The following ALG8 variants were observed in gnomAD, a reference collection of about 807,000 sequenced individuals.
ALG8 encodes ALG8 alpha-1,3-glucosyltransferase.
In ALG8, 48 loss-of-function variants were observed where a neutral mutation model predicts 70.2. The observed-to-expected ratio is 0.68, with a 90% confidence interval of 0.54 to 0.87. The LOEUF (loss-of-function observed/expected upper bound fraction) is 0.87. Ranked by LOEUF, ALG8 falls within the 40% of genes least tolerant of loss-of-function variation. The probability of loss-of-function intolerance (pLI) is 0.00; values close to 1 mark genes in which losing one functional copy is unlikely to be tolerated. For synonymous variants in ALG8, 234 were observed against 229.0 expected (o/e 1.02, Z -0.20); for missense variants, 572 against 608.7 (o/e 0.94, Z 0.64).
At position 78,122,561 on chromosome 11, in the gene ALG8, C is replaced by CA. The variant is rs543892319; in HGVS notation, c.369-1388dup. Reference sequence around the variant, plus strand: ...TTCACCATGTTATCCAGGCTGGTCTCAAACTCCTGAGCTCAAGCAATACAC... The same window carrying CA: ...TTCACCATGTTATCCAGGCTGGTCTCAAAACTCCTGAGCTCAAGCAATACAC... On this transcript the variant is annotated intron_variant, in intron 3 of 12. Transcript: ENST00000299626. Among the ~76,000 whole-genome samples, 242 of 152,146 alleles carry CA rather than the reference C, an allele frequency of 1.6e-3. 1 individual carries two copies. Among genetic ancestry groups the CA allele is most frequent in the African/African-American group, 5.5e-3 (228 of 41,516 alleles).
intron 8 of ALG8, 90 bp from the exon 9 acceptor site, chr11:78,109,671 T>A: frequency 7.8e-7 from 1 of 1,276,828 alleles, no homozygotes; most frequent in Non-Finnish European, 1.1e-6. Context: ...GAATAAAAAG[T>A]AAGCTACTAA....
intron 1 of ALG8, among the ~76,000 whole-genome samples, chr11:78,136,512 G>C (rs1035464159): frequency 5.3e-5 from 8 of 152,050 alleles, no homozygotes; most frequent in African/African-American, 1.7e-4. Context: ...ACTTCACCCT[G>C]GGAGATAGAG....
chr11:78,110,896 T>C (rs1051717214), intron 8 of ALG8, among the ~76,000 whole-genome samples: 9 of 152,228 alleles, frequency 5.9e-5, no homozygotes, highest in Admixed American at 1.3e-4. Context: ...ACTTTCCATG[T>C]AAAACATCTT....
At position 78,103,986 on chromosome 11, in the gene ALG8, A is replaced by C; in HGVS notation, c.1343T>G (p.Leu448Ter). Residue 448 changes from leucine (L) to a stop codon, truncating the protein, a stop_gained, in exon 12 of 13, where the codon TTA becomes TGA. Coordinates refer to ENST00000299626, the MANE Select transcript of ALG8 (RefSeq NM_024079.5). LOFTEE classifies it high-confidence loss of function. ...TAAACATTTTTTTGATTACCTGAAT[A>C]AAGTCTTCAGTGACGAAATACTATA... ...TIYSISSLKTLFRKEKPLFNW... is the reference protein window; with the variant it reads ...TIYSISSLKT 4.1e-6 allele frequency: 6 copies of C among 1,477,342 alleles called. No homozygotes were observed. Among genetic ancestry groups the C allele is most frequent in the Non-Finnish European group, 4.7e-6 (5 of 1,060,612 alleles). The allele number at this position is 1,477,342 out of a possible 1,614,324, so 91.5% of individuals were successfully genotyped here. A position where few individuals can be genotyped will look rare whatever the true frequency, so the allele number is the denominator to read the frequency against.
intron 3 of ALG8, among the ~76,000 whole-genome samples, chr11:78,122,857 C>A (rs113858884): frequency 0.042 from 3,681 of 87,456 alleles, 76 homozygotes; most frequent in Non-Finnish European, 0.058. Context: ...AATGAGAATG[C>A]GCAAGGGTTA....
chr11:78,119,366 T>G, intron 4 of ALG8, 117 bp from the exon 5 acceptor site: 2 of 720,372 alleles, frequency 2.8e-6, no homozygotes, highest in Middle Eastern at 2.6e-4. Flanking sequence ...CAAAAAATAC[T>G]ACTACTAATG....
intron 12 of ALG8, among the ~76,000 whole-genome samples, chr11:78,102,575 G>C (rs1859840962): frequency 6.6e-6 from 1 of 152,060 alleles, no homozygotes; most frequent in South Asian, 2.1e-4. Flanking sequence ...GGAATTGCTG[G>C]GTCACATGGC....
At chr11:78,121,538 G>C (rs1392072472) in intron 3 of ALG8, among the ~76,000 whole-genome samples, 1 of 144,760 alleles carries the variant, frequency 6.9e-6, no homozygotes, top group Non-Finnish European at 1.5e-5. Flanking sequence ...GGGCGACATA[G>C]TAAGACCTTC....
intron 4 of ALG8, among the ~76,000 whole-genome samples, chr11:78,120,789 A>C (rs1171681050): frequency 6.6e-6 from 1 of 152,226 alleles, no homozygotes; most frequent in Non-Finnish European, 1.5e-5. Context: ...TATATGTATC[A>C]GATTAATCTA....
chr11:78,107,198 A>AATATATATATATAT (rs57228944), intron 9 of ALG8, among the ~76,000 whole-genome samples: 11 of 143,858 alleles, frequency 7.6e-5, no homozygotes, highest in Non-Finnish European at 1.1e-4. Context: ...TTTATATGTA[A>AATATATATATATAT]ATATATATAT....
At chr11:78,131,856 GC>G (rs1194030002) in intron 1 of ALG8, among the ~76,000 whole-genome samples, 12 of 152,112 alleles carry the variant, frequency 7.9e-5, no homozygotes, top group African/African-American at 2.9e-4. Flanking sequence ...CTTCACTCAG[GC>G]CCTTCATTAA....
chr11:78,104,305 A>G, intron 11 of ALG8, 51 bp downstream of exon 11: 2 of 1,473,618 alleles, frequency 1.4e-6, no homozygotes, highest in Non-Finnish European at 1.8e-6. Flanking sequence ...GTGGGCCTCG[A>G]TGAAAAGGTT....
chr11:78,122,384 C>T (rs1860858851), intron 3 of ALG8, among the ~76,000 whole-genome samples: 1 of 150,542 alleles, frequency 6.6e-6, no homozygotes, highest in Non-Finnish European at 1.5e-5. Context: ...AGTCTGTCGC[C>T]TAGGATGGAG....
At chr11:78,139,052 C>G (rs536913838) in intron 1 of ALG8, 30 of 343,356 alleles carry the variant, frequency 8.7e-5, no homozygotes, top group Middle Eastern at 2.1e-3. Context: ...CTTAGTAACC[C>G]TCTATTTCCT....
intron 5 of ALG8, among the ~76,000 whole-genome samples, chr11:78,117,220 ACTT>A (rs1349689716): frequency 1.3e-5 from 2 of 152,132 alleles, no homozygotes; most frequent in Non-Finnish European, 2.9e-5. Flanking sequence ...GGGTTAAATA[ACTT>A]GCCTTCAGTT....
chr11:78,118,175 T>C (rs1194931281), intron 5 of ALG8, among the ~76,000 whole-genome samples: 2 of 152,166 alleles, frequency 1.3e-5, no homozygotes, highest in African/African-American at 4.8e-5. Flanking sequence ...TTAGTCAGGA[T>C]TACACACAGT....
At chr11:78,125,033 C>A (rs1861003109) in intron 2 of ALG8, among the ~76,000 whole-genome samples, 1 of 138,302 alleles carries the variant, frequency 7.2e-6, no homozygotes, top group Non-Finnish European at 1.5e-5. Flanking sequence ...TCTCAGTTTT[C>A]TTTTTCTTTT....
chr11:78,130,940 A>G (rs1861284274), intron 1 of ALG8, among the ~76,000 whole-genome samples: 2 of 152,154 alleles, frequency 1.3e-5, no homozygotes, highest in East Asian at 3.8e-4. Flanking sequence ...AACATTTTCT[A>G]TTAACCACTG....
In ALG8 at chr11:78,106,983, T is replaced by A. The variant is rs193037393; in HGVS notation, c.1039-37A>T. 8.7e-6 allele frequency: 14 copies of A among 1,612,100 alleles called. No individual in the cohort carries two copies. The Admixed American group carries it at 2.0e-4, about 23-fold the overall frequency. Reference sequence around the variant, plus strand: ...AGGCAAAGATAAACTTCAGTATCATTTGAAACAGACTTTACAGAAACAGAG... The same window carrying A: ...AGGCAAAGATAAACTTCAGTATCATATGAAACAGACTTTACAGAAACAGAG... On this transcript the variant is annotated intron_variant, in intron 9 of 12. Coordinates refer to ENST00000299626, the MANE Select transcript of ALG8 (RefSeq NM_024079.5).
Sources: gnomAD v4.1 joint callset for allele counts (sites outside exome capture counted in the v4.1 genomes callset) on GRCh38, gnomAD v4.1.1 for gene constraint, MANE v1.5 for transcripts, NCBI Gene and HGNC (gene_info 2026-07-23, HGNC 2026-07-21) for gene names.